VTA1: variants seen among roughly 807,000 people sequenced by gnomAD.
The protein encoded by VTA1 is vesicle trafficking 1.
VTA1 carries 24 observed loss-of-function variants against 36.9 expected under a neutral mutation model. The observed-to-expected ratio is 0.65, with a 90% CI of 0.47 to 0.91. The LOEUF (loss-of-function observed/expected upper bound fraction) is 0.91, where lower values mean the gene tolerates loss of function less well. VTA1 is among the 40% of genes least tolerant of loss of function. VTA1 has a pLI of 0.00. For missense variants in VTA1, 393 were observed against 377.2 expected (o/e 1.04, Z -0.35); for synonymous variants, 142 against 130.2 (o/e 1.09, Z -0.62).
intron 4 of VTA1, among the ~76,000 whole-genome samples, chr6:142,176,085 T>C (rs1440386910): frequency 6.6e-6 from 1 of 152,186 alleles, no homozygotes; most frequent in African/African-American, 2.4e-5. Context: ...AATATTTTCT[T>C]TTTCTGCTAT....
intron 1 of VTA1, among the ~76,000 whole-genome samples, chr6:142,149,933 C>A (rs1778535436): frequency 6.6e-6 from 1 of 152,070 alleles, no homozygotes; most frequent in Non-Finnish European, 1.5e-5. Context: ...CATTTAACTT[C>A]CTTGTCTCTT....
intron 7 of VTA1, among the ~76,000 whole-genome samples, chr6:142,215,603 G>A (rs1775991963): frequency 6.6e-6 from 1 of 152,236 alleles, no homozygotes; most frequent in Admixed American, 6.5e-5. Context: ...TTCAGTCTGT[G>A]TCCTGTGTGT....
intron 1 of VTA1, among the ~76,000 whole-genome samples, chr6:142,160,154 T>C (rs956004857): frequency 6.6e-6 from 1 of 152,206 alleles, no homozygotes; most frequent in Non-Finnish European, 1.5e-5. Context: ...TTGATTCTTT[T>C]GTGTATTGTT....
At chr6:142,168,362 G>A (rs1391405539) in intron 2 of VTA1, among the ~76,000 whole-genome samples, 2 of 151,562 alleles carry the variant, frequency 1.3e-5, no homozygotes, top group African/African-American at 2.4e-5. Flanking sequence ...AAGTTATTCT[G>A]TTTAATTATG....
chr6:142,185,334 C>T (rs1247416350), intron 4 of VTA1, among the ~76,000 whole-genome samples: 2 of 152,190 alleles, frequency 1.3e-5, no homozygotes, highest in South Asian at 2.1e-4. Flanking sequence ...AATTAAAGGT[C>T]TTAATTAACA....
intron 1 of VTA1, among the ~76,000 whole-genome samples, chr6:142,156,029 C>T (rs927588294): frequency 1.3e-5 from 2 of 152,060 alleles, no homozygotes; most frequent in African/African-American, 4.8e-5. Flanking sequence ...CCAAATTGAC[C>T]TGAATTTTAA....
At chr6:142,183,447 C>T (rs1775283560) in intron 4 of VTA1, among the ~76,000 whole-genome samples, 2 of 152,168 alleles carry the variant, frequency 1.3e-5, no homozygotes, top group African/African-American at 4.8e-5. Flanking sequence ...TTGCTGTTGT[C>T]TAACCAGTCA....
At chr6:142,176,906 G>T (rs1775136660) in intron 4 of VTA1, among the ~76,000 whole-genome samples, 1 of 152,074 alleles carries the variant, frequency 6.6e-6, no homozygotes, top group Non-Finnish European at 1.5e-5. Flanking sequence ...CATTTACTGA[G>T]GCAATAAGGC....
intron 1 of VTA1, among the ~76,000 whole-genome samples, chr6:142,153,634 G>C (rs1006788664): frequency 6.6e-6 from 1 of 151,898 alleles, no homozygotes; most frequent in Non-Finnish European, 1.5e-5. Flanking sequence ...TTTTAAATCA[G>C]GAATGAATGT....
chr6:142,158,010 C>A (rs1778696706), intron 1 of VTA1, among the ~76,000 whole-genome samples: 1 of 146,600 alleles, frequency 6.8e-6, no homozygotes, highest in Non-Finnish European at 1.5e-5. Context: ...TACCCCCAGA[C>A]ATTGCATTTT....
rs1480157995 is a variant in VTA1, at chr6:142,224,483, T to C, written c.*5840T>C. ...AATTACTATTGATCACTTAACTTTA[T>C]GTATCACGTAAGTTAAACTTTATTT... On this transcript the variant is annotated 3_prime_UTR_variant, in exon 8 of 8. Coordinates refer to ENST00000367630, the MANE Select transcript of VTA1 (RefSeq NM_016485.5). 2 of 152,234 alleles carry C rather than the reference T, an allele frequency of 1.3e-5. No individual in the cohort carries two copies. Among genetic ancestry groups the C allele is most frequent in the Admixed American group, 6.5e-5 (1 of 15,284 alleles). The allele number at this position is 152,234 out of a possible 1,614,324, so 9.4% of individuals were successfully genotyped here.
At chr6:142,174,227 C>T (rs1775076881) in intron 4 of VTA1, among the ~76,000 whole-genome samples, 1 of 152,168 alleles carries the variant, frequency 6.6e-6, no homozygotes, top group Non-Finnish European at 1.5e-5. Context: ...GGGGCTGTAC[C>T]CTGCAAAGCC....
rs1776140504 is a variant in VTA1, at chr6:142,223,163, A to G, written c.*4520A>G. Reference sequence around the variant, plus strand: ...ATCTGGGCCATATGTTCCAATTGACAGTGCTAGGCAGTGAACACAGGGTAT... The same window carrying G: ...ATCTGGGCCATATGTTCCAATTGACGGTGCTAGGCAGTGAACACAGGGTAT... On this transcript the variant is annotated 3_prime_UTR_variant, in exon 8 of 8. Coordinates refer to ENST00000367630, the MANE Select transcript of VTA1 (RefSeq NM_016485.5). 1.3e-5 allele frequency: 2 copies of G among 152,332 alleles called. No homozygotes were observed. Among genetic ancestry groups the G allele is most frequent in the South Asian group, 4.1e-4 (2 of 4,830 alleles). 9.4% of individuals were successfully genotyped at this position (152,332 alleles called of 1,614,324 possible).
intron 3 of VTA1, 75 bp downstream of exon 3, chr6:142,169,752 G>A (rs1236123536): frequency 1.5e-5 from 20 of 1,314,626 alleles, no homozygotes; most frequent in Middle Eastern, 2.7e-4. Flanking sequence ...GTTTTCTCTG[G>A]AACACTTTCT....
At chr6:142,186,550 T>C (rs1256729143) in intron 4 of VTA1, among the ~76,000 whole-genome samples, 1 of 151,772 alleles carries the variant, frequency 6.6e-6, no homozygotes, top group African/African-American at 2.4e-5. Context: ...GGATTCTTGG[T>C]GAATTAGGTA....
intron 2 of VTA1, among the ~76,000 whole-genome samples, chr6:142,169,079 A>AT (rs765475423): frequency 1.6e-4 from 25 of 152,114 alleles, no homozygotes; most frequent in Admixed American, 1.2e-3. Flanking sequence ...GAGAGATATT[A>AT]TTTTACGACA....
chr6:142,200,598 G>A (rs1239094016), intron 6 of VTA1, among the ~76,000 whole-genome samples: 1 of 151,888 alleles, frequency 6.6e-6, no homozygotes, highest in African/African-American at 2.4e-5. Flanking sequence ...TGCTAGTTTT[G>A]TGTAACAAAA....
chr6:142,192,492 T>C (rs180751151), intron 5 of VTA1, among the ~76,000 whole-genome samples: 3 of 152,140 alleles, frequency 2.0e-5, no homozygotes, highest in African/African-American at 7.2e-5. Flanking sequence ...CCATTCATTT[T>C]ATATGGTAAA....
intron 7 of VTA1, among the ~76,000 whole-genome samples, chr6:142,207,760 C>G (rs1582903847): frequency 6.6e-6 from 1 of 152,238 alleles, no homozygotes; most frequent in South Asian, 2.1e-4. Context: ...CAACAGCAAA[C>G]AGGGAATCAT....
Sources: allele counts gnomAD v4.1 joint callset (sites outside exome capture counted in the v4.1 genomes callset), GRCh38; gene constraint gnomAD v4.1.1; transcripts MANE v1.5; gene names NCBI Gene and HGNC (gene_info 2026-07-23, HGNC 2026-07-21).